FGD6: variants seen among roughly 807,000 people sequenced by gnomAD.
FGD6 encodes FYVE, RhoGEF and PH domain-containing protein 6.
A neutral mutation model predicts 149.4 loss-of-function variants in FGD6; 90 were observed. The ratio of observed to expected loss-of-function variants is 0.60; its 90% CI spans 0.51 to 0.72. The LOEUF is 0.72. FGD6 is among the 30% of genes least tolerant of loss of function. The pLI is 0.00. For missense variants in FGD6, 1,437 were observed against 1,684.8 expected (o/e 0.85, Z 2.57); for synonymous variants, 527 against 584.0 (o/e 0.90, Z 1.41).
intron 5 of FGD6, among the ~76,000 whole-genome samples, chr12:95,143,226 C>T (rs1879905199): frequency 6.6e-6 from 1 of 151,936 alleles, no homozygotes; most frequent in Non-Finnish European, 1.5e-5. Flanking sequence ...TATACTGTTC[C>T]TTCCAATGAT....
chr12:95,183,232 T>C (rs1215246945), intron 2 of FGD6, among the ~76,000 whole-genome samples: 2 of 152,206 alleles, frequency 1.3e-5, no homozygotes, highest in Non-Finnish European at 2.9e-5. Context: ...GTGCAGTGTC[T>C]GCCTAGCCCT....
At chr12:95,150,093 T>C (rs1402650629) in intron 5 of FGD6, among the ~76,000 whole-genome samples, 2 of 150,058 alleles carry the variant, frequency 1.3e-5, no homozygotes, top group African/African-American at 4.9e-5. Flanking sequence ...AATGGCACAA[T>C]CTCGACTCAC....
chr12:95,150,955 G>A (rs1880292949), intron 5 of FGD6, among the ~76,000 whole-genome samples: 1 of 151,862 alleles, frequency 6.6e-6, no homozygotes, highest in African/African-American at 2.4e-5. Context: ...AATTAGCCTG[G>A]CGTGGTGGAT....
Position 95,078,270 on chromosome 12 carries a change from CAA to C in FGD6, c.*3248_*3249del, listed in dbSNP as rs757283530. On this transcript the variant is annotated 3_prime_UTR_variant, in exon 21 of 21. Transcript: ENST00000343958. ...GGAGTGTGTGGTACACTAAGAAAAA[CAA>C]TATGTATCTCTGGAAATCCCATTGA... 6.6e-6 allele frequency: 1 copy of C among 152,146 alleles called. No individual in the cohort carries two copies. Among genetic ancestry groups the C allele is most frequent in the Non-Finnish European group, 1.5e-5 (1 of 68,022 alleles). 9.4% of individuals were successfully genotyped at this position (152,146 alleles called of 1,614,324 possible).
chr12:95,217,405 A>C lies in FGD6; in HGVS notation c.-165T>G, dbSNP rs2056845034. On this transcript the variant is annotated 5_prime_UTR_variant, in exon 1 of 21. Coordinates refer to ENST00000343958, the MANE Select transcript of FGD6 (RefSeq NM_018351.4). ...GAGCGCCACACAAAGGACGCGGCCG[A>C]CTCTAGCGACCCTGCGGCGCTCCCG... 10 of 1,166,500 alleles carry C rather than the reference A, an allele frequency of 8.6e-6. No homozygotes were observed. The highest frequency in any genetic ancestry group is 6.0e-5 in the South Asian group (3 of 50,306). The allele number at this position is 1,166,500 out of a possible 1,614,324, so 72.3% of individuals were successfully genotyped here.
intron 5 of FGD6, among the ~76,000 whole-genome samples, chr12:95,151,061 C>G (rs1177931641): frequency 6.6e-6 from 1 of 151,632 alleles, no homozygotes. Flanking sequence ...CCACCGCACT[C>G]CAGCCTGGGT....
rs547546164 is a variant in FGD6, at chr12:95,122,252, A to G, written c.3083-8551T>C. Among the ~76,000 whole-genome samples the G allele has an allele frequency of 2.0e-5, 3 of 151,524 alleles. No individual in the cohort carries two copies. The East Asian group carries it at 6.3e-4, about 32-fold the overall frequency. On this transcript the variant is annotated intron_variant, in intron 8 of 20. Transcript: ENST00000343958. ...TATTAGAAGCTAAGTAAATGGTACTATAATATAAGGTATCATTTTATGCAC... is the reference window on the plus strand; with the variant it reads ...TATTAGAAGCTAAGTAAATGGTACTGTAATATAAGGTATCATTTTATGCAC...
intron 1 of FGD6, among the ~76,000 whole-genome samples, chr12:95,215,506 C>T (rs867202210): frequency 4.2e-4 from 64 of 152,140 alleles, no homozygotes; most frequent in African/African-American, 1.4e-3. Context: ...CCCATCTAGA[C>T]ACCAGAAAGA....
chr12:95,170,541 C>T (rs1355183202), intron 3 of FGD6, among the ~76,000 whole-genome samples: 1 of 152,118 alleles, frequency 6.6e-6, no homozygotes, highest in Non-Finnish European at 1.5e-5. Context: ...CCTCAGGAGG[C>T]TGAGGCAGGA....
chr12:95,148,405 A>C (rs1002242583), intron 5 of FGD6, among the ~76,000 whole-genome samples: 4 of 149,560 alleles, frequency 2.7e-5, no homozygotes, highest in African/African-American at 9.8e-5. Flanking sequence ...GTCTCCACCT[A>C]AAGAAATTAG....
intron 2 of FGD6, among the ~76,000 whole-genome samples, chr12:95,200,074 C>A (rs1026058914): frequency 2.0e-5 from 3 of 152,116 alleles, no homozygotes; most frequent in African/African-American, 7.2e-5. Context: ...CAAAACAAAA[C>A]AGGCTATTCT....
chr12:95,100,976 G>C (rs199716357), intron 14 of FGD6: 1 of 368,944 alleles, frequency 2.7e-6, no homozygotes, highest in Non-Finnish European at 5.2e-6. Flanking sequence ...GAGATTCACG[G>C]GGTAGTTATC....
intron 3 of FGD6, among the ~76,000 whole-genome samples, chr12:95,160,661 T>A (rs926404648): frequency 3.9e-5 from 6 of 152,228 alleles, no homozygotes; most frequent in African/African-American, 1.4e-4. Context: ...AAGAACAATG[T>A]AAAGTCAATC....
chr12:95,215,149 C>T (rs1223546008), intron 1 of FGD6, among the ~76,000 whole-genome samples: 1 of 152,220 alleles, frequency 6.6e-6, no homozygotes, highest in Non-Finnish European at 1.5e-5. Context: ...GCTTGAGCCA[C>T]TGCGCCCAGC....
chr12:95,204,112 G>A (rs1277296151), intron 2 of FGD6, among the ~76,000 whole-genome samples: 1 of 152,176 alleles, frequency 6.6e-6, no homozygotes, highest in African/African-American at 2.4e-5. Context: ...CTCCCAAAAT[G>A]TCAGAATAAT....
At chr12:95,164,674 AC>A (rs1244951951) in intron 3 of FGD6, among the ~76,000 whole-genome samples, 1 of 151,958 alleles carries the variant, frequency 6.6e-6, no homozygotes, top group Non-Finnish European at 1.5e-5. Flanking sequence ...CAAGTGATCC[AC>A]CCACCTGGAC....
At chr12:95,115,749 A>G (rs190121519) in intron 8 of FGD6, among the ~76,000 whole-genome samples, 13 of 152,314 alleles carry the variant, frequency 8.5e-5, no homozygotes, top group Admixed American at 7.2e-4. Context: ...CATCATGCTC[A>G]GAGGAACAAA....
At chr12:95,191,235 GAGTGCTTCTTGCAT>G (rs142318542) in intron 2 of FGD6, among the ~76,000 whole-genome samples, 1 of 152,316 alleles carries the variant, frequency 6.6e-6, no homozygotes, top group East Asian at 1.9e-4. Context: ...TGGTGGAATG[GAGTGCTTCTTGCAT>G]AACCATCCCA....
chr12:95,124,734 T>A (rs771266266), intron 8 of FGD6, among the ~76,000 whole-genome samples: 2 of 152,148 alleles, frequency 1.3e-5, no homozygotes, highest in African/African-American at 4.8e-5. Context: ...ACCCACCCTA[T>A]TTTCACTAAC....
Sources: allele counts gnomAD v4.1 joint callset (sites outside exome capture counted in the v4.1 genomes callset), GRCh38; gene constraint gnomAD v4.1.1; transcripts MANE v1.5; gene names NCBI Gene and HGNC (gene_info 2026-07-23, HGNC 2026-07-21).